OTOGL: variants seen among roughly 807,000 people sequenced by gnomAD.
OTOGL encodes otogelin like.
In OTOGL, 285 loss-of-function variants were observed where a neutral mutation model predicts 318.5. The ratio of observed to expected loss-of-function variants is 0.89; its 90% CI spans 0.81 to 0.99. OTOGL has a LOEUF of 0.99. OTOGL is among the 50% of genes least tolerant of loss of function. The pLI is 0.00. For synonymous variants in OTOGL, 987 were observed against 936.5 expected (o/e 1.05, Z -0.99); for missense variants, 2,899 against 2,845.6 (o/e 1.02, Z -0.43).
chr12:80,336,275 G>T (rs1888394535), intron 39 of OTOGL, 135 bp downstream of exon 39: 2 of 1,335,434 alleles, frequency 1.5e-6, no homozygotes, highest in Admixed American at 6.4e-5. Context: ...TTATGATTTT[G>T]GCTCACAGTA....
chr12:80,149,947 A>G (rs1872676781), intron 1 of OTOGL, among the ~76,000 whole-genome samples: 4 of 152,188 alleles, frequency 2.6e-5, no homozygotes, highest in African/African-American at 4.8e-5. Context: ...ACCTGCGCCC[A>G]CTGTCTGGCA....
chr12:80,310,617 A>G lies in OTOGL; in HGVS notation c.3340A>G (p.Ser1114Gly). 2 of 1,582,380 alleles carry G rather than the reference A, an allele frequency of 1.3e-6. No homozygotes were observed. The highest frequency in any genetic ancestry group is 2.7e-5 in the African/African-American group (2 of 74,532). ...TCTTAAATTTTTTCAACAGTGTGAA[A>G]GTCCAGATGAAACAATTAAACCCTG... Reference protein sequence around the residue: ...GDSWALGQCESPDETIKPCEA... With the variant: ...GDSWALGQCEGPDETIKPCEA... Residue 1114 changes from serine to glycine, a missense_variant, in exon 30 of 59, where the codon AGT becomes GGT. This residue lies in a region of OTOGL where 2,607 missense variants were observed against 2,524.9 expected (regional missense o/e 1.03). Transcript: ENST00000547103.
chr12:80,258,432 T>C (rs1045053231), intron 18 of OTOGL, among the ~76,000 whole-genome samples: 1 of 152,176 alleles, frequency 6.6e-6, no homozygotes, highest in Non-Finnish European at 1.5e-5. Context: ...GTAAATACTC[T>C]ATAAATATTG....
intron 24 of OTOGL, among the ~76,000 whole-genome samples, chr12:80,272,343 TGTGTGTGTGTGTGTG>T (rs1198309796): frequency 0.062 from 5 of 80 alleles, no homozygotes; most frequent in Admixed American, 0.5. Context: ...GGCATTGTGA[TGTGTGTGTGTGTGTG>T]TGTGTGTGTG....
intron 26 of OTOGL, among the ~76,000 whole-genome samples, chr12:80,287,102 G>A (rs749415814): frequency 6.7e-6 from 1 of 149,584 alleles, no homozygotes; most frequent in Non-Finnish European, 1.5e-5. Context: ...TTGTGTCTTT[G>A]TTCTCACTGG....
At position 80,176,313 on chromosome 12, in the gene OTOGL, T is replaced by G. The variant is rs556630192; in HGVS notation, c.-19-33100T>G. Among the ~76,000 whole-genome samples the G allele has an allele frequency of 5.3e-5, 8 of 152,310 alleles. No individual in the cohort carries two copies. In the South Asian group the frequency reaches 8.3e-4, roughly 16 times the overall value. ...GTACAAATTTAACATCTGTACAACTTATTAAGCCATCACCACAACAAAATA... is the reference window on the plus strand; with the variant it reads ...GTACAAATTTAACATCTGTACAACTGATTAAGCCATCACCACAACAAAATA... On this transcript the variant is annotated intron_variant, in intron 1 of 58. Transcript: ENST00000547103.
chr12:80,176,688 A>C (rs1874551099), intron 1 of OTOGL, among the ~76,000 whole-genome samples: 1 of 152,088 alleles, frequency 6.6e-6, no homozygotes, highest in Non-Finnish European at 1.5e-5. Flanking sequence ...TATTACAGTA[A>C]ATTTCTGTAA....
chr12:80,222,000 G>GA (rs1370578596), intron 6 of OTOGL, 91 bp from the exon 7 acceptor site: 2 of 1,363,072 alleles, frequency 1.5e-6, no homozygotes, highest in Non-Finnish European at 2.0e-6. Context: ...AAATTTGAAT[G>GA]AAAATTAGAA....
At chr12:80,247,156 T>A (rs1312335121) in intron 11 of OTOGL, among the ~76,000 whole-genome samples, 2 of 147,014 alleles carry the variant, frequency 1.4e-5, no homozygotes, top group African/African-American at 5.3e-5. Flanking sequence ...TTTGTGTCTC[T>A]GTTTCCTTCA....
intron 7 of OTOGL, among the ~76,000 whole-genome samples, chr12:80,224,586 T>C (rs934159084): frequency 6.6e-6 from 1 of 152,182 alleles, no homozygotes; most frequent in Admixed American, 6.6e-5. Context: ...TGTCTATGAT[T>C]TCTTTCAGCA....
intron 46 of OTOGL, among the ~76,000 whole-genome samples, chr12:80,354,138 T>G (rs77816618): frequency 6.6e-6 from 1 of 152,278 alleles, no homozygotes; most frequent in East Asian, 1.9e-4. Flanking sequence ...CTCAAGGTTG[T>G]GAGTGAGTTA....
chr12:80,366,053 A>G (rs1304285095), intron 52 of OTOGL, among the ~76,000 whole-genome samples: 1 of 152,058 alleles, frequency 6.6e-6, no homozygotes, highest in African/African-American at 2.4e-5. Context: ...ATATTGATCC[A>G]TTTATTTCTC....
chr12:80,282,971 C>T (rs1459466780), intron 26 of OTOGL, among the ~76,000 whole-genome samples: 2 of 151,966 alleles, frequency 1.3e-5, no homozygotes, highest in African/African-American at 4.8e-5. Context: ...CATTGTTTCA[C>T]AAGGGAGGAG....
At position 80,265,176 on chromosome 12, in the gene OTOGL, T is replaced by TC; in HGVS notation, c.2193dup (p.Ile732HisfsTer2). 1.2e-6 allele frequency: 2 copies of TC among 1,613,796 alleles called. No individual in the cohort carries two copies. The highest frequency in any genetic ancestry group is 2.2e-5 in the South Asian group (2 of 91,090). ...CCTACCTCTGCGGCCAGCACGGTGT[T>TC]CCCATTGATTTCAGAACTCAGATTT... is the stretch of plus-strand genomic sequence containing the variant. On this transcript the variant is annotated frameshift_variant, in exon 20 of 59. Transcript: ENST00000547103. LOFTEE classifies it high-confidence loss of function.
Position 80,345,439 on chromosome 12 carries a change from G to A in OTOGL, c.5265+3277G>A, listed in dbSNP as rs543474467. 2.6e-5 allele frequency among the ~76,000 whole-genome samples: 4 copies of A among 151,484 alleles called. No individual in the cohort carries two copies. The South Asian group carries it at 6.3e-4, about 24-fold the overall frequency. On this transcript the variant is annotated intron_variant, in intron 44 of 58. Transcript: ENST00000547103. ...TTTAATAGAGATGGAGTTTCACCAC[G>A]TTGGCCAGGCTGGTCTCACACTCCT...
chr12:80,238,408 A>C (rs773320307), intron 9 of OTOGL, among the ~76,000 whole-genome samples: 2 of 152,214 alleles, frequency 1.3e-5, no homozygotes, highest in Non-Finnish European at 2.9e-5. Flanking sequence ...TGTCCACCAA[A>C]TATAACTGCA....
chr12:80,296,893 T>G lies in OTOGL; in HGVS notation c.2995T>G (p.Cys999Gly). ...GAAATGCTTTGACAACGATATTGTTTGTTCTAAAAGTGTTTTGATTTCAGT... is the reference window on the plus strand; with the variant it reads ...GAAATGCTTTGACAACGATATTGTTGGTTCTAAAAGTGTTTTGATTTCAGT... ...NKKCFDNDIV[C>G]SKSVLISVGD... Residue 999 changes from cysteine (C) to glycine (G), a missense_variant, in exon 27 of 59, where the codon TGT (cysteine) becomes GGT (glycine). This residue lies in a region of OTOGL where 2,607 missense variants were observed against 2,524.9 expected (regional missense o/e 1.03). Transcript: ENST00000547103. The G allele has an allele frequency of 2.0e-6, 3 of 1,537,094 alleles. No homozygotes were observed. The highest frequency in any genetic ancestry group is 2.6e-6 in the Non-Finnish European group (3 of 1,143,378).
intron 1 of OTOGL, among the ~76,000 whole-genome samples, chr12:80,201,543 T>G (rs1223979839): frequency 6.6e-6 from 1 of 152,158 alleles, no homozygotes; most frequent in African/African-American, 2.4e-5. Context: ...GACTAGGCCC[T>G]GCATCCAACA....
chr12:80,368,391 C>G (rs916383061), intron 55 of OTOGL, 82 bp downstream of exon 55: 3 of 875,472 alleles, frequency 3.4e-6, no homozygotes, highest in African/African-American at 3.3e-5. Flanking sequence ...TGTCCCCCCC[C>G]ACACACACTG....
Sources: gnomAD v4.1 joint callset for allele counts (sites outside exome capture counted in the v4.1 genomes callset) on GRCh38, gnomAD v4.1.1 for gene constraint, gnomAD v4.1.1 regional missense constraint, MANE v1.5 for transcripts, NCBI Gene and HGNC (gene_info 2026-07-23, HGNC 2026-07-21) for gene names.